The following TENM2 variants were observed in gnomAD, a reference collection of about 807,000 sequenced individuals.
The protein encoded by TENM2 is teneurin-2.
A neutral mutation model predicts 245.2 loss-of-function variants in TENM2; 52 were observed. That is an observed-to-expected ratio of 0.21 (90% CI 0.17 to 0.27). TENM2 has a LOEUF of 0.27. Among genes scored for constraint, TENM2 ranks in the 10% least tolerant of loss-of-function variants. The pLI is 1.00. For synonymous variants in TENM2, 1,363 were observed against 1,438.9 expected, an observed-to-expected ratio of 0.95 and a Z score of 1.19; for missense variants, 3,046 against 3,666.8, an observed-to-expected ratio of 0.83 and a Z score of 4.37.
At chr5:167,829,267 C>T (rs1039257613) in intron 2 of TENM2, among the ~76,000 whole-genome samples, 1 of 152,222 alleles carries the variant, frequency 6.6e-6, no homozygotes, top group Non-Finnish European at 1.5e-5. Context: ...ATCACACCTA[C>T]AGTGAGACAC....
At chr5:168,216,898 T>C in exon 22 of TENM2, 1 of 1,614,018 alleles carries the variant, frequency 6.2e-7, no homozygotes, top group Non-Finnish European at 8.5e-7. Flanking sequence ...CGCTGAGCTG[T>C]GATTCCAGCA....
chr5:167,272,803 A>C, the TENM2 span, among the ~76,000 whole-genome samples: 29 of 152,308 alleles, frequency 1.9e-4, no homozygotes, highest in South Asian at 1.9e-3. Context: ...ATTTAAGCAC[A>C]ATGAAACAAT....
the TENM2 span, among the ~76,000 whole-genome samples, chr5:167,054,254 A>G: frequency 3.9e-5 from 6 of 152,070 alleles, no homozygotes; most frequent in East Asian, 3.9e-4. Context: ...CAATTTCACC[A>G]TTTCTTCAGC....
At chr5:167,405,616 G>C (rs1006850521) in intron 2 of TENM2, among the ~76,000 whole-genome samples, 43 of 151,772 alleles carry the variant, frequency 2.8e-4, no homozygotes, top group African/African-American at 9.9e-4. Context: ...ACATCTCTTC[G>C]TATTGACAGT....
chr5:167,393,183 TAAAG>T (rs1761861479), intron 2 of TENM2, among the ~76,000 whole-genome samples: 1 of 140,750 alleles, frequency 7.1e-6, no homozygotes, highest in South Asian at 2.3e-4. Context: ...GAACTTGAAA[TAAAG>T]AAAAAAGAGA....
intron 2 of TENM2, among the ~76,000 whole-genome samples, chr5:167,618,779 CA>C (rs1777963724): frequency 1.3e-5 from 2 of 152,104 alleles, no homozygotes; most frequent in South Asian, 4.1e-4. Flanking sequence ...CTCTATCCCC[CA>C]CCATCTGTCA....
the TENM2 span, among the ~76,000 whole-genome samples, chr5:167,086,608 A>G: frequency 2.7e-4 from 41 of 152,204 alleles, no homozygotes; most frequent in African/African-American, 9.9e-4. Context: ...CGTAATTGGG[A>G]ATATGCCTGG....
At chr5:167,030,701 A>C in the TENM2 span, among the ~76,000 whole-genome samples, 1 of 152,106 alleles carries the variant, frequency 6.6e-6, no homozygotes, top group Non-Finnish European at 1.5e-5. Flanking sequence ...CGAGCAGAGC[A>C]AGGAAATGAG....
chr5:167,786,322 A>G (rs1764577346), intron 2 of TENM2, among the ~76,000 whole-genome samples: 1 of 152,220 alleles, frequency 6.6e-6, no homozygotes, highest in Non-Finnish European at 1.5e-5. Context: ...TGAGAAGAAT[A>G]AGACAATTCT....
At chr5:167,375,009 T>C (rs1760662947) in intron 1 of TENM2, among the ~76,000 whole-genome samples, 189 bp from the exon 4 acceptor site, 1 of 152,172 alleles carries the variant, frequency 6.6e-6, no homozygotes, top group South Asian at 2.1e-4. Flanking sequence ...TTACTTTCTT[T>C]CTTTTGTTTG....
chr5:167,731,280 T>G (rs1397652334), intron 2 of TENM2, among the ~76,000 whole-genome samples: 1 of 151,910 alleles, frequency 6.6e-6, no homozygotes, highest in Non-Finnish European at 1.5e-5. Flanking sequence ...ATGGAAGATG[T>G]TCGCCTCCGT....
chr5:168,015,619 C>T (rs939346463), intron 5 of TENM2, among the ~76,000 whole-genome samples: 6 of 152,206 alleles, frequency 3.9e-5, no homozygotes, highest in Non-Finnish European at 5.9e-5. Context: ...CCTCAAATGG[C>T]GTCTCCCCAG....
chr5:168,243,931 T>C (rs1766319750), intron 25 of TENM2, among the ~76,000 whole-genome samples: 2 of 150,568 alleles, frequency 1.3e-5, no homozygotes, highest in Admixed American at 6.6e-5. Flanking sequence ...CATTTTCTTT[T>C]CTTTGGTTTT....
intron 5 of TENM2, among the ~76,000 whole-genome samples, chr5:168,022,235 C>T (rs1786215918): frequency 6.6e-6 from 1 of 152,246 alleles, no homozygotes; most frequent in Non-Finnish European, 1.5e-5. Context: ...GGGAGCTCCG[C>T]TCCTCTGGAG....
intron 3 of TENM2, among the ~76,000 whole-genome samples, chr5:167,915,080 G>A (rs1374410882): frequency 1.3e-5 from 2 of 152,158 alleles, no homozygotes; most frequent in Non-Finnish European, 2.9e-5. Context: ...TTCTGGAGAT[G>A]AGGTTGTGGA....
Position 167,746,710 on chromosome 5 carries a change from A to AGAGAGAGAGAGAGAGAGAGCGAGC in TENM2, c.503-129271_503-129270insAGAGAGAGAGAGAGCGAGCGAGAG, listed in dbSNP as rs761614775. Among the ~76,000 whole-genome samples, 702 of 144,862 alleles carry AGAGAGAGAGAGAGAGAGAGCGAGC rather than the reference A, an allele frequency of 4.8e-3. 7 individuals carry two copies. Among genetic ancestry groups the AGAGAGAGAGAGAGAGAGAGCGAGC allele is most frequent in the Non-Finnish European group, 8.6e-3 (565 of 65,984 alleles). ...GAGAGAGAGAGAGAGAGAGAGAGAG[A>AGAGAGAGAGAGAGAGAGAGCGAGC]GAGAGCTGGACTCTACACAATTAGT... On this transcript the variant is annotated intron_variant, in intron 2 of 28. Transcript: ENST00000518659.
At chr5:167,605,276 T>A (rs1272721705) in intron 2 of TENM2, among the ~76,000 whole-genome samples, 1 of 152,214 alleles carries the variant, frequency 6.6e-6, no homozygotes, top group Non-Finnish European at 1.5e-5. Context: ...GCAGTAGTCA[T>A]TTAAAAAATT....
chr5:167,052,984 T>G, the TENM2 span, among the ~76,000 whole-genome samples: 2 of 152,120 alleles, frequency 1.3e-5, no homozygotes, highest in Admixed American at 1.3e-4. Context: ...AATTCTCCAG[T>G]CTGGCTCCTA....
chr5:167,219,885 A>C, the TENM2 span, among the ~76,000 whole-genome samples: 3 of 152,246 alleles, frequency 2.0e-5, no homozygotes, highest in Non-Finnish European at 1.5e-5. Context: ...CATTCAGCAT[A>C]TCTGTAGTTC....
Sources: allele counts gnomAD v4.1 joint callset (sites outside exome capture counted in the v4.1 genomes callset), GRCh38; gene constraint gnomAD v4.1.1; transcripts MANE v1.5; gene names NCBI Gene and HGNC (gene_info 2026-07-23, HGNC 2026-07-21).